The following NRXN3 variants were observed in gnomAD, a reference collection of about 807,000 sequenced individuals.
NRXN3 encodes the protein neurexin III.
Under a neutral mutation model 137.6 loss-of-function variants are expected in NRXN3, and 32 were observed. The observed-to-expected ratio is 0.23, with a 90% CI of 0.18 to 0.31. The LOEUF (loss-of-function observed/expected upper bound fraction) is 0.31. NRXN3 is among the 10% of genes least tolerant of loss of function. NRXN3 has a pLI of 1.00. For synonymous variants in NRXN3, 798 were observed against 784.5 expected (o/e 1.02, Z -0.29); for missense variants, 1,574 against 2,062.5 (o/e 0.76, Z 4.59).
At chr14:78,417,132 T>A (rs958357121) in intron 4 of NRXN3, among the ~76,000 whole-genome samples, 9 of 152,216 alleles carry the variant, frequency 5.9e-5, no homozygotes, top group African/African-American at 1.9e-4. Context: ...CTTAAAGCCA[T>A]CATGGCTTCC....
intron 15 of NRXN3, among the ~76,000 whole-genome samples, chr14:79,435,220 A>G (rs867491378): frequency 1.1e-4 from 17 of 152,058 alleles, no homozygotes; most frequent in African/African-American, 3.6e-4. Flanking sequence ...ATTTGGAGCT[A>G]TCAGCAAGTA....
chr14:79,511,945 G>A (rs757441446), intron 16 of NRXN3, among the ~76,000 whole-genome samples: 2 of 152,186 alleles, frequency 1.3e-5, no homozygotes, highest in Non-Finnish European at 2.9e-5. Context: ...TGTTGCCCAG[G>A]CTGGAGTGCA....
chr14:79,297,988 A>G (rs1204697686), intron 15 of NRXN3, among the ~76,000 whole-genome samples: 1 of 152,068 alleles, frequency 6.6e-6, no homozygotes, highest in African/African-American at 2.4e-5. Flanking sequence ...ACTTTTCTTT[A>G]TAAATTCAAT....
chr14:78,974,078 A>G (rs2099454751), intron 14 of NRXN3, among the ~76,000 whole-genome samples: 1 of 152,230 alleles, frequency 6.6e-6, no homozygotes, highest in East Asian at 1.9e-4. Context: ...ATAAAAGAAT[A>G]TACACTAGTT....
chr14:78,687,789 A>G (rs954862110), intron 6 of NRXN3, among the ~76,000 whole-genome samples: 7 of 152,224 alleles, frequency 4.6e-5, no homozygotes, highest in Admixed American at 4.6e-4. Context: ...GACATGACAC[A>G]TAACACTTCT....
chr14:78,680,670 T>A (rs1032033594), intron 6 of NRXN3, among the ~76,000 whole-genome samples: 1 of 152,160 alleles, frequency 6.6e-6, no homozygotes, highest in African/African-American at 2.4e-5. Context: ...GTGGTTTGAT[T>A]TTATCAACTG....
chr14:79,478,627 G>A (rs1001943421), intron 16 of NRXN3, among the ~76,000 whole-genome samples: 1 of 152,006 alleles, frequency 6.6e-6, no homozygotes, highest in African/African-American at 2.4e-5. Flanking sequence ...TAATATTGTG[G>A]GAAAAATCCA....
At chr14:78,440,528 G>T (rs991754572) in intron 4 of NRXN3, among the ~76,000 whole-genome samples, 2 of 152,050 alleles carry the variant, frequency 1.3e-5, no homozygotes, top group Admixed American at 6.5e-5. Flanking sequence ...TATCTCACTC[G>T]TGCATAGGTT....
rs544514792 is a variant in NRXN3, at chr14:78,655,145, C to T, written c.1221+3819C>T. Among the ~76,000 whole-genome samples, 3 of 152,252 alleles carry T rather than the reference C, an allele frequency of 2.0e-5. No individual in the cohort carries two copies. The East Asian group carries it at 5.8e-4, about 29-fold the overall frequency. On this transcript the variant is annotated intron_variant, in intron 6 of 20. Coordinates refer to ENST00000335750, the MANE Select transcript of NRXN3 (RefSeq NM_001330195.2). ...ATCTGCTTAAGAATGCTAGCTTTAT[C>T]ACTGGCTATATAATAAGACCACTGA...
chr14:78,946,297 G>A (rs899215610), intron 10 of NRXN3, among the ~76,000 whole-genome samples: 1 of 152,130 alleles, frequency 6.6e-6, no homozygotes, highest in Admixed American at 6.5e-5. Flanking sequence ...TACAGGTCTT[G>A]GTCTATGCCT....
chr14:78,816,624 C>T (rs932659387), intron 10 of NRXN3, among the ~76,000 whole-genome samples: 2 of 152,012 alleles, frequency 1.3e-5, no homozygotes, highest in Non-Finnish European at 2.9e-5. Flanking sequence ...TACTTTTGTT[C>T]ATTAGTTAAT....
At chr14:79,767,947 T>C (rs2099061788) in intron 19 of NRXN3, among the ~76,000 whole-genome samples, 1 of 152,180 alleles carries the variant, frequency 6.6e-6, no homozygotes, top group Admixed American at 6.5e-5. Flanking sequence ...GGGTGAGGAA[T>C]TGCCTCACTC....
chr14:78,473,925 G>T (rs951337265), intron 4 of NRXN3, among the ~76,000 whole-genome samples: 1 of 152,144 alleles, frequency 6.6e-6, no homozygotes, highest in Non-Finnish European at 1.5e-5. Context: ...AAACGTGTAA[G>T]TGTCAGTGTC....
rs572431108 is a variant in NRXN3 at position 79,148,031 on chromosome 14, A to G, written c.3262+159890A>G. 5.9e-5 allele frequency among the ~76,000 whole-genome samples: 9 copies of G among 152,220 alleles called. No homozygotes were observed. The East Asian group carries it at 1.6e-3, about 26-fold the overall frequency. On this transcript the variant is annotated intron_variant, in intron 15 of 20. Transcript: ENST00000335750. ...GTGACCTTCTCCTCATTTATTCATGACAGAATCATACGTATAAAAATTCAT... is the reference window on the plus strand; with the variant it reads ...GTGACCTTCTCCTCATTTATTCATGGCAGAATCATACGTATAAAAATTCAT...
intron 20 of NRXN3, among the ~76,000 whole-genome samples, chr14:79,810,949 C>G (rs373177192): frequency 6.6e-6 from 1 of 152,196 alleles, no homozygotes; most frequent in Non-Finnish European, 1.5e-5. Flanking sequence ...TATAGAGATA[C>G]GTTTTGTCAT....
chr14:79,518,597 G>A (rs1372210561), intron 16 of NRXN3, among the ~76,000 whole-genome samples: 1 of 152,048 alleles, frequency 6.6e-6, no homozygotes, highest in South Asian at 2.1e-4. Context: ...CTTGTTAATA[G>A]TAATCATTTT....
At chr14:78,819,877 G>A (rs1238127479) in intron 10 of NRXN3, among the ~76,000 whole-genome samples, 1 of 152,044 alleles carries the variant, frequency 6.6e-6, no homozygotes, top group East Asian at 1.9e-4. Context: ...GCCAAATAAG[G>A]CAACAGTGTA....
At chr14:78,700,568 G>A (rs1411390218) in intron 6 of NRXN3, among the ~76,000 whole-genome samples, 2 of 151,714 alleles carry the variant, frequency 1.3e-5, no homozygotes, top group South Asian at 2.1e-4. Flanking sequence ...GTTCTATCTC[G>A]GAGAACTACA....
At chr14:79,753,643 C>G (rs889481714) in intron 19 of NRXN3, among the ~76,000 whole-genome samples, 3 of 151,446 alleles carry the variant, frequency 2.0e-5, no homozygotes, top group Admixed American at 1.3e-4. Flanking sequence ...ATGGGTGCAG[C>G]ACACCAGCAT....
Sources: allele counts gnomAD v4.1 joint callset (sites outside exome capture counted in the v4.1 genomes callset), GRCh38; gene constraint gnomAD v4.1.1; transcripts MANE v1.5; gene names NCBI Gene and HGNC (gene_info 2026-07-23, HGNC 2026-07-21).